Variants in NFATC2IP observed in about 807,000 individuals in gnomAD.
NFATC2IP encodes NFATC2-interacting protein.
A neutral mutation model predicts 40.2 loss-of-function variants in NFATC2IP; 25 were observed. The ratio of observed to expected loss-of-function variants is 0.62; its 90% CI spans 0.45 to 0.87. The LOEUF (loss-of-function observed/expected upper bound fraction) is 0.87, where lower values mean the gene tolerates loss of function less well. Among genes scored for constraint, NFATC2IP ranks in the 40% least tolerant of loss-of-function variants. The pLI is 0.00. For missense variants in NFATC2IP, 553 were observed against 555.6 expected (o/e 1.00, Z 0.05); for synonymous variants, 241 against 236.3 (o/e 1.02, Z -0.18).
At chr16:28,954,948 C>A (rs936731305) in intron 3 of NFATC2IP, among the ~76,000 whole-genome samples, 4 of 152,124 alleles carry the variant, frequency 2.6e-5, no homozygotes, top group African/African-American at 9.7e-5. Context: ...TCCAGCTTCC[C>A]TGTCCTCTCT....
At chr16:28,955,782 T>C (rs1041048001) in intron 3 of NFATC2IP, among the ~76,000 whole-genome samples, 196 bp from the exon 4 acceptor site, 2 of 151,790 alleles carry the variant, frequency 1.3e-5, no homozygotes, top group Non-Finnish European at 1.5e-5. Flanking sequence ...AGAAATAGGG[T>C]CTCCCCATCT....
intron 1 of NFATC2IP, 59 bp downstream of exon 1, chr16:28,951,457 G>GA: frequency 7.4e-7 from 1 of 1,355,260 alleles, no homozygotes; most frequent in Non-Finnish European, 9.4e-7. Flanking sequence ...CCTCCAGGGA[G>GA]GGGCCGGCGT....
At chr16:28,955,145 G>A (rs1965006933) in intron 3 of NFATC2IP, among the ~76,000 whole-genome samples, 1 of 152,162 alleles carries the variant, frequency 6.6e-6, no homozygotes, top group Non-Finnish European at 1.5e-5. Context: ...AGTGAGCCAT[G>A]ATCGTGCCAC....
intron 7 of NFATC2IP, among the ~76,000 whole-genome samples, chr16:28,959,948 C>T (rs1302619626): frequency 6.6e-6 from 1 of 152,168 alleles, no homozygotes; most frequent in Non-Finnish European, 1.5e-5. Context: ...TATTCCTGTA[C>T]ACTTCTGGAG....
At chr16:28,957,768 A>AT (rs1167949396) in intron 5 of NFATC2IP, 7 of 152,260 alleles carry the variant, frequency 4.6e-5, no homozygotes, top group Non-Finnish European at 1.0e-4. Context: ...GTGAGCCATC[A>AT]TGCCTGACCA....
chr16:28,963,609 G>T, intron 7 of NFATC2IP, 96 bp from the exon 8 acceptor site: 2 of 1,091,944 alleles, frequency 1.8e-6, no homozygotes, highest in Non-Finnish European at 2.7e-6. Context: ...TTCCGCCCCT[G>T]CCGCCATCCT....
chr16:28,960,269 G>A (rs138961646), intron 7 of NFATC2IP, among the ~76,000 whole-genome samples: 131 of 152,238 alleles, frequency 8.6e-4, no homozygotes, highest in Middle Eastern at 3.4e-3. Context: ...TTTACTAGGG[G>A]TTAGGACCAC....
In NFATC2IP at chr16:28,951,170, C is replaced by G. The variant is rs1243505378; in HGVS notation, c.159C>G (p.Asp53Glu). The G allele has an allele frequency of 6.5e-7, 1 of 1,543,588 alleles. No homozygotes were observed. Among genetic ancestry groups the G allele is most frequent in the South Asian group, 1.2e-5 (1 of 83,490 alleles). ...LDVVSVDLVT[D>E]SDEEILEVAT... ...TAGTGTCTGTGGACTTGGTCACCGA[C>G]AGCGATGAGGAAATTCTGGAGGTCG... The change falls in exon 1 of 8, where the codon GAC becomes GAG. Residue 53 changes from aspartate to glutamate, a missense_variant. By Grantham distance (45) the Asp-to-Glu change is conservative. Coordinates refer to ENST00000320805, the MANE Select transcript of NFATC2IP (RefSeq NM_032815.4).
At chr16:28,957,797 G>A (rs1256072874) in intron 5 of NFATC2IP, 1 of 152,036 alleles carries the variant, frequency 6.6e-6, no homozygotes, top group Non-Finnish European at 1.5e-5. Context: ...AAAAATATAC[G>A]AGTTTGTTGT....
intron 7 of NFATC2IP, among the ~76,000 whole-genome samples, chr16:28,959,931 A>G (rs1965066944): frequency 1.3e-5 from 2 of 152,208 alleles, no homozygotes; most frequent in Admixed American, 6.5e-5. Flanking sequence ...TTAAAACAAT[A>G]GAAACCTATT....
At chr16:28,957,584 A>G (rs1965035601) in intron 5 of NFATC2IP, 1 of 152,024 alleles carries the variant, frequency 6.6e-6, no homozygotes, top group Admixed American at 6.6e-5. Context: ...TGGGGGCTGC[A>G]GTCAGCTGTG....
At position 28,964,734 on chromosome 16, in the gene NFATC2IP, G is replaced by A. The variant is rs553318889; in HGVS notation, c.*871G>A. 6.6e-6 allele frequency: 1 copy of A among 152,332 alleles called. No homozygotes were observed. Among genetic ancestry groups the A allele is most frequent in the African/African-American group, 2.4e-5 (1 of 41,548 alleles). 9.4% of individuals were successfully genotyped at this position (152,332 alleles called of 1,614,324 possible). A position where few individuals can be genotyped will look rare whatever the true frequency, so the allele number is the denominator to read the frequency against. On this transcript the variant is annotated 3_prime_UTR_variant, in exon 8 of 8. Transcript: ENST00000320805. The stretch of plus-strand genomic sequence containing the variant: ...AGTGCTATTGTGCAATAGGTCTTAT[G>A]CTGTTTTCACTCAATGTGTGCTAAG...
rs1307977561 is a variant in NFATC2IP at position 28,963,806 on chromosome 16, G to A, written c.1203G>A (p.Arg401=). ...TTGATGGGACAAAGCTTTCAGGCAG[G>A]GAGCTGCCAGCTGACCTGGGCATGG... ...FFFDGTKLSG[R]ELPADLGMES... Residue 401 remains arginine, a synonymous_variant, in exon 8 of 8, where the codon AGG becomes AGA. Transcript: ENST00000320805. The A allele has an allele frequency of 6.2e-7, 1 of 1,614,214 alleles. No homozygotes were observed.
At chr16:28,955,791 C>T (rs1163981640) in intron 3 of NFATC2IP, among the ~76,000 whole-genome samples, 187 bp from the exon 4 acceptor site, 1 of 152,078 alleles carries the variant, frequency 6.6e-6, no homozygotes, top group East Asian at 1.9e-4. Flanking sequence ...GTCTCCCCAT[C>T]TTGCCCAGCC....
rs769239862 is a variant in NFATC2IP, at chr16:28,956,247, G to C, written c.756G>C (p.Leu252Phe). 4 of 1,613,884 alleles carry C rather than the reference G, an allele frequency of 2.5e-6. No homozygotes were observed. Among genetic ancestry groups the C allele is most frequent in the Non-Finnish European group, 3.4e-6 (4 of 1,179,946 alleles). Reference protein sequence around the residue: ...EQQGQEDEVVLVEGPTLPETP... With the variant: ...EQQGQEDEVVFVEGPTLPETP... ...AGGGCCAAGAGGATGAAGTGGTCTT[G>C]GTGGAAGGGCCCACCCTCCCAGAGA... Residue 252 changes from leucine to phenylalanine, a missense_variant, in exon 5 of 8, where the codon TTG becomes TTC. Leu to Phe is a conservative substitution (Grantham distance 22). Coordinates refer to ENST00000320805, the MANE Select transcript of NFATC2IP (RefSeq NM_032815.4).
chr16:28,953,917 CAAAAAA>C, intron 2 of NFATC2IP, among the ~76,000 whole-genome samples: 1 of 109,276 alleles, frequency 9.2e-6, no homozygotes, highest in Non-Finnish European at 2.0e-5. Context: ...GACCTGGTCT[CAAAAAA>C]AAAAAAAGAA....
chr16:28,956,288 C>A lies in NFATC2IP; in HGVS notation c.797C>A (p.Pro266Gln), dbSNP rs754434755. ...CTCCCAGAGACCCCCCGACTCTTCC[C>A]ACTCAAAATCCGTTGCCGGGCTGAC... is the stretch of plus-strand genomic sequence containing the variant. ...PTLPETPRLF[P>Q]LKIRCRADLV... The change falls in exon 5 of 8, where the codon CCA (proline) becomes CAA (glutamine). Residue 266 changes from proline to glutamine, a missense_variant. Transcript: ENST00000320805. The A allele has an allele frequency of 5.6e-6, 9 of 1,614,122 alleles. No homozygotes were observed. In the East Asian group the frequency reaches 2.0e-4, roughly 36 times the overall value.
In NFATC2IP at chr16:28,966,085, A is replaced by G. The variant is rs537995768; in HGVS notation, c.*2222A>G. The G allele has an allele frequency of 2.0e-5, 3 of 152,132 alleles. No homozygotes were observed. Among genetic ancestry groups the G allele is most frequent in the Non-Finnish European group, 4.4e-5 (3 of 68,030 alleles). The allele number at this position is 152,132 out of a possible 1,614,324, so 9.4% of individuals were successfully genotyped here. On this transcript the variant is annotated 3_prime_UTR_variant, in exon 8 of 8. Coordinates refer to ENST00000320805, the MANE Select transcript of NFATC2IP (RefSeq NM_032815.4). ...AAAGAAAATTTTAATTTTAATGTAG[A>G]CAGTATGAATTATCTTGTTCTGCAG... is the stretch of plus-strand genomic sequence containing the variant.
At position 28,958,839 on chromosome 16, in the gene NFATC2IP, G is replaced by T. The variant is rs753674699; in HGVS notation, c.969G>T (p.Lys323Asn). The T allele has an allele frequency of 1.9e-6, 3 of 1,614,060 alleles. No individual in the cohort carries two copies. The highest frequency in any genetic ancestry group is 2.5e-6 in the Non-Finnish European group (3 of 1,179,976). Residue 323 changes from lysine to asparagine, a missense_variant, in exon 6 of 8, where the codon AAG (lysine) becomes AAT (asparagine). Coordinates refer to ENST00000320805, the MANE Select transcript of NFATC2IP (RefSeq NM_032815.4). Reference sequence around the variant, plus strand: ...CTACTGCCACTCCCAGGACCCTAAAGCTCGGAGTGGCTGACATCATTGGTG... The same window carrying T: ...CTACTGCCACTCCCAGGACCCTAAATCTCGGAGTGGCTGACATCATTGGTG... ...LSPTATPRTL[K>N]LGVADIIDCV...
Sources: allele counts gnomAD v4.1 joint callset (sites outside exome capture counted in the v4.1 genomes callset), GRCh38; gene constraint gnomAD v4.1.1; transcripts MANE v1.5; gene names NCBI Gene and HGNC (gene_info 2026-07-23, HGNC 2026-07-21).